MARCHF8: variants seen among roughly 807,000 people sequenced by gnomAD.
MARCHF8 encodes the protein E3 ubiquitin-protein ligase MARCHF8.
In MARCHF8, 40 loss-of-function variants were observed where a neutral mutation model predicts 51.6. The observed-to-expected ratio is 0.77, with a 90% confidence interval of 0.60 to 1.01. The LOEUF (loss-of-function observed/expected upper bound fraction) is 1.01. Ranked by LOEUF, MARCHF8 falls within the 50% of genes least tolerant of loss-of-function variation. The pLI, the probability that MARCHF8 is intolerant of heterozygous loss-of-function variation, is 0.00. For missense variants in MARCHF8, 685 were observed against 708.6 expected, an observed-to-expected ratio of 0.97 and a Z score of 0.38; for synonymous variants, 263 against 280.3, an observed-to-expected ratio of 0.94 and a Z score of 0.62.
intron 2 of MARCHF8, among the ~76,000 whole-genome samples, chr10:45,529,858 A>G (rs2043849110): frequency 1.3e-5 from 2 of 152,232 alleles, no homozygotes; most frequent in South Asian, 4.1e-4. Context: ...AAACTAGTAC[A>G]GCTGCTATGG....
At chr10:45,462,441 G>A (rs1171954238) in intron 5 of MARCHF8, among the ~76,000 whole-genome samples, 1 of 152,172 alleles carries the variant, frequency 6.6e-6, no homozygotes, top group Non-Finnish European at 1.5e-5. Flanking sequence ...GGGGTAGGTA[G>A]GGAGCAAGGG....
upstream of MARCHF8, among the ~76,000 whole-genome samples, chr10:45,539,691 C>A (rs1012847498): frequency 6.6e-6 from 1 of 152,178 alleles, no homozygotes; most frequent in Non-Finnish European, 1.5e-5. Context: ...ACTATAAACA[C>A]CTCTATGCAA....
At chr10:45,511,334 A>G (rs2133195052) in intron 2 of MARCHF8, among the ~76,000 whole-genome samples, 1 of 152,274 alleles carries the variant, frequency 6.6e-6, no homozygotes, top group South Asian at 2.1e-4. Flanking sequence ...ATAAGTCAGA[A>G]TTCATTTGCT....
intron 1 of MARCHF8, among the ~76,000 whole-genome samples, chr10:45,534,140 A>G (rs1244511380): frequency 1.3e-5 from 2 of 151,766 alleles, no homozygotes; most frequent in Non-Finnish European, 2.9e-5. Context: ...CCAAGATCGC[A>G]CCACTGCACT....
intron 2 of MARCHF8, among the ~76,000 whole-genome samples, chr10:45,528,889 A>T (rs1442624441): frequency 2.6e-5 from 4 of 152,238 alleles, no homozygotes; most frequent in Non-Finnish European, 4.4e-5. Flanking sequence ...CATTAAAATG[A>T]CCATACTACT....
At chr10:45,501,647 TCATC>T (rs2043282031) in intron 2 of MARCHF8, among the ~76,000 whole-genome samples, 1 of 152,058 alleles carries the variant, frequency 6.6e-6, no homozygotes, top group Non-Finnish European at 1.5e-5. Context: ...CAATTAAACT[TCATC>T]AAAATCAGAA....
intron 2 of MARCHF8, among the ~76,000 whole-genome samples, chr10:45,506,309 T>C (rs1342109317): frequency 6.6e-6 from 1 of 152,234 alleles, no homozygotes; most frequent in African/African-American, 2.4e-5. Context: ...TCTTTACTGA[T>C]TTATCAATAT....
chr10:45,460,729 T>C (rs766853084), intron 6 of MARCHF8, among the ~76,000 whole-genome samples: 6 of 152,176 alleles, frequency 3.9e-5, no homozygotes, highest in African/African-American at 1.2e-4. Context: ...CTGAAGACAG[T>C]TGCACATCAC....
At chr10:45,484,583 T>C (rs967957635) in intron 3 of MARCHF8, among the ~76,000 whole-genome samples, 1 of 152,200 alleles carries the variant, frequency 6.6e-6, no homozygotes, top group East Asian at 1.9e-4. Context: ...ACTGCTATCA[T>C]TACAAACTGT....
intron 3 of MARCHF8, among the ~76,000 whole-genome samples, chr10:45,472,808 G>C (rs530881468): frequency 6.6e-6 from 1 of 152,216 alleles, no homozygotes. Context: ...GGAGCTGAAC[G>C]GAAACACTGC....
rs201918909 is a variant in MARCHF8 at position 45,507,241 on chromosome 10, GA to G, written c.103-17825del. Among the ~76,000 whole-genome samples the G allele has an allele frequency of 5.3e-5, 8 of 150,826 alleles. No homozygotes were observed. In the East Asian group the frequency reaches 7.7e-4, roughly 15 times the overall value. On this transcript the variant is annotated intron_variant, in intron 2 of 7. Transcript: ENST00000453424. ...AGTAGGATGGGTTTTGTTTATTAAGGAAAAAAAAATAGTTTTGTCCTAAAAT... is the reference window on the plus strand; with the variant it reads ...AGTAGGATGGGTTTTGTTTATTAAGGAAAAAAAATAGTTTTGTCCTAAAAT...
At chr10:45,476,961 C>T (rs1010556046) in intron 3 of MARCHF8, among the ~76,000 whole-genome samples, 1 of 152,022 alleles carries the variant, frequency 6.6e-6, no homozygotes, top group Non-Finnish European at 1.5e-5. Flanking sequence ...CTGCAAACTT[C>T]CCAAGTCTTG....
intron 2 of MARCHF8, 80 bp downstream of exon 2, chr10:45,533,030 G>C: frequency 9.3e-7 from 1 of 1,073,218 alleles, no homozygotes; most frequent in Non-Finnish European, 1.3e-6. Context: ...CTGACCTTTA[G>C]AGTTTAAGCA....
intron 3 of MARCHF8, among the ~76,000 whole-genome samples, chr10:45,477,645 T>C (rs1403501298): frequency 1.3e-5 from 2 of 152,118 alleles, no homozygotes; most frequent in African/African-American, 4.8e-5. Context: ...TAAAAAAACA[T>C]TACTCAACTA....
Position 45,587,633 on chromosome 10 carries a change from T to C in MARCHF8, c.-79+6602A>G, listed in dbSNP as rs966844614. 2.6e-5 allele frequency among the ~76,000 whole-genome samples: 4 copies of C among 152,268 alleles called. No individual in the cohort carries two copies. The South Asian group carries it at 6.2e-4, about 24-fold the overall frequency. ...AGGACCTATAATACCCAGAAAATTT[T>C]TGAAAATAAGGAACAAAGTTGGAGG... On this transcript the variant is annotated intron_variant, in intron 1 of 6. Coordinates refer to the MARCHF8 transcript ENST00000319836.
rs188659033 is a variant in MARCHF8, at chr10:45,503,986, A to G, written c.103-14569T>C. 1.3e-3 allele frequency among the ~76,000 whole-genome samples: 201 copies of G among 152,282 alleles called. 1 individual carries two copies. The highest frequency in any genetic ancestry group is 4.4e-3 in the African/African-American group (181 of 41,554). On this transcript the variant is annotated intron_variant, in intron 2 of 7. Transcript: ENST00000453424. ...GGATTGTGGGGATGGGAGAATGGGG[A>G]GTGACTGCTAATGGGTAGAGGGTTT... is the stretch of plus-strand genomic sequence containing the variant.
chr10:45,463,158 C>T lies in MARCHF8; in HGVS notation c.1081G>A (p.Val361Ile). 4 of 1,548,580 alleles carry T rather than the reference C, an allele frequency of 2.6e-6. No homozygotes were observed. Among genetic ancestry groups the T allele is most frequent in the Non-Finnish European group, 3.5e-6 (4 of 1,145,730 alleles). The change falls in exon 5 of 8, where the codon GTC becomes ATC. Residue 361 changes from valine to isoleucine, a missense_variant. By Grantham distance (29) the Val-to-Ile change is conservative (BLOSUM62 3). Transcript: ENST00000453424. ...ACTTCCTGGCAAACCAACCTGCAGA[C>T]ATCCCCTGACGTGGACACGGGAGAT... Reference protein sequence around the residue: ...PISPVSTSGDVCRICHCEGDD... With the variant: ...PISPVSTSGDICRICHCEGDD...
chr10:45,465,320 A>C (rs528475405), intron 3 of MARCHF8, among the ~76,000 whole-genome samples: 2 of 152,300 alleles, frequency 1.3e-5, no homozygotes, highest in South Asian at 4.1e-4. Context: ...CAGTGCCACG[A>C]GTCTGTTATC....
intron 3 of MARCHF8, among the ~76,000 whole-genome samples, chr10:45,464,713 T>A (rs1239845622): frequency 6.6e-6 from 1 of 152,134 alleles, no homozygotes; most frequent in Admixed American, 6.5e-5. Flanking sequence ...TCCCTAGCAC[T>A]CTCTCCTAGT....
Sources: allele counts gnomAD v4.1 joint callset (sites outside exome capture counted in the v4.1 genomes callset), GRCh38; gene constraint gnomAD v4.1.1; transcripts MANE v1.5; gene names NCBI Gene and HGNC (gene_info 2026-07-23, HGNC 2026-07-21).